The following MAGEL2 variants were observed in gnomAD, a reference collection of about 807,000 sequenced individuals.
MAGEL2 encodes the protein MAGE-like protein 2.
For synonymous variants in MAGEL2, 792 were observed against 721.7 expected (o/e 1.10, Z -1.56); for missense variants, 1,830 against 1,699.2 (o/e 1.08, Z -1.35).
chr15:23,646,627 C>G lies in MAGEL2; in HGVS notation c.1116G>C (p.Ser372=), dbSNP rs920184994. The change falls in exon 1 of 1, where the codon TCG becomes TCC. Residue 372 remains serine (S), a synonymous_variant. Transcript: ENST00000650528. This position sits in a 1 kb window ranked among gnomAD's most constrained non-coding sequence, Gnocchi z 4.2. ...LATPPGWQAT[S]PGWQATQQGW... ...CTTGCTGCGTGGCCTGCCATCCTGG[C>G]GAGGTCGCCTGCCAGCCCGGGGGTG... 2.0e-6 allele frequency: 3 copies of G among 1,476,698 alleles called. No individual in the cohort carries two copies. The African/African-American group carries it at 4.2e-5, about 21-fold the overall frequency. The allele number at this position is 1,476,698 out of a possible 1,614,324, so 91.5% of individuals were successfully genotyped here. A position where few individuals can be genotyped will look rare whatever the true frequency, so the allele number is the denominator to read the frequency against.
chr15:23,646,723 G>C lies in MAGEL2; in HGVS notation c.1020C>G (p.Ile340Met). The change falls in exon 1 of 1, where the codon ATC becomes ATG. Residue 340 changes from isoleucine (I) to methionine (M), a missense_variant. Physicochemically the swap from Ile to Met is conservative, Grantham distance 10 (BLOSUM62 1). Coordinates refer to ENST00000650528, the MANE Select transcript of MAGEL2 (RefSeq NM_019066.5). The surrounding 1 kb of genome is among the most constrained non-coding windows in gnomAD (Gnocchi z 4.2). Reference sequence around the variant, plus strand: ...GAGGAGCCCTTATAACTTGAGACTGGATTTGCAGGATCAGAGGCTGAGCCT... The same window carrying C: ...GAGGAGCCCTTATAACTTGAGACTGCATTTGCAGGATCAGAGGCTGAGCCT... Reference protein sequence around the residue: ...APQAQPLILQIQSQVIRAPPQ... With the variant: ...APQAQPLILQMQSQVIRAPPQ... The C allele has an allele frequency of 6.5e-7, 1 of 1,533,034 alleles. No individual in the cohort carries two copies. The highest frequency in any genetic ancestry group is 8.7e-7 in the Non-Finnish European group (1 of 1,145,050). The allele number at this position is 1,533,034 out of a possible 1,614,324, so 95.0% of individuals were successfully genotyped here.
Position 23,647,498 on chromosome 15 carries a change from G to T in MAGEL2, c.245C>A (p.Pro82His). 6.5e-7 allele frequency: 1 copy of T among 1,531,540 alleles called. No individual in the cohort carries two copies. The highest frequency in any genetic ancestry group is 2.4e-5 in the East Asian group (1 of 40,840). 94.9% of individuals were successfully genotyped at this position (1,531,540 alleles called of 1,614,324 possible). A position where few individuals can be genotyped will look rare whatever the true frequency, so the allele number is the denominator to read the frequency against. Reference sequence around the variant, plus strand: ...GACTATCGGGCCCCCTAGGGCAGGAGGCTGGGTCATCGGAACCACCGGGGC... The same window carrying T: ...GACTATCGGGCCCCCTAGGGCAGGATGCTGGGTCATCGGAACCACCGGGGC... ...LPAPVVPMTQ[P>H]PALGGPIVPA... The change falls in exon 1 of 1, where the codon CCT (proline) becomes CAT (histidine). Residue 82 changes from proline to histidine, a missense_variant. Physicochemically the swap from Pro to His is moderately conservative, Grantham distance 77. Coordinates refer to ENST00000650528, the MANE Select transcript of MAGEL2 (RefSeq NM_019066.5).
At position 23,644,865 on chromosome 15, in the gene MAGEL2, C is replaced by A. The variant is rs1253511015; in HGVS notation, c.2878G>T (p.Gly960Trp). 6.2e-7 allele frequency: 1 copy of A among 1,612,238 alleles called. No individual in the cohort carries two copies. Among genetic ancestry groups the A allele is most frequent in the Non-Finnish European group, 8.5e-7 (1 of 1,179,738 alleles). Residue 960 changes from glycine to tryptophan, a missense_variant, in exon 1 of 1, where the codon GGG becomes TGG. By Grantham distance (184) the Gly-to-Trp change is radical. Coordinates refer to ENST00000650528, the MANE Select transcript of MAGEL2 (RefSeq NM_019066.5). Reference protein sequence around the residue: ...STSRILSGWEGPSASWALSAW... With the variant: ...STSRILSGWEWPSASWALSAW... Reference sequence around the variant, plus strand: ...CTCAGGGCCCAGGATGCGCTGGGCCCTTCCCAGCCACTCAGGATCCTGGAG... The same window carrying A: ...CTCAGGGCCCAGGATGCGCTGGGCCATTCCCAGCCACTCAGGATCCTGGAG...
At position 23,645,495 on chromosome 15, in the gene MAGEL2, T is replaced by A; in HGVS notation, c.2248A>T (p.Met750Leu). The stretch of plus-strand genomic sequence containing the variant: ...GCACAGAAGGTGGCAGCAAAGATCA[T>A]GCGGTCTTTTGAAGGGGCCCTGCGC... ...KERRAPSKDR[M>L]IFAATFCAPK... The change falls in exon 1 of 1, where the codon ATG becomes TTG. Residue 750 changes from methionine (M) to leucine (L), a missense_variant. Transcript: ENST00000650528. 6.2e-7 allele frequency: 1 copy of A among 1,613,996 alleles called. No homozygotes were observed.
chr15:23,645,603 A>G lies in MAGEL2; in HGVS notation c.2140T>C (p.Leu714=), dbSNP rs943576001. 2 of 1,602,040 alleles carry G rather than the reference A, an allele frequency of 1.2e-6. No individual in the cohort carries two copies. Among genetic ancestry groups the G allele is most frequent in the Admixed American group, 1.7e-5 (1 of 58,224 alleles). ...ANFPLGSAKS[L]MTPSGECRAS... ...CTGCATTCTCCTGATGGAGTCATCA[A>G]TGATTTAGCGGAGCCCAGGGGAAAA... The change falls in exon 1 of 1, where the codon TTG becomes CTG. Residue 714 remains leucine (L), a synonymous_variant. Transcript: ENST00000650528.
rs1170449979 is a variant in MAGEL2 at position 23,644,313 on chromosome 15, G to A, written c.3430C>T (p.Arg1144Trp). 4.3e-6 allele frequency: 7 copies of A among 1,613,486 alleles called. No individual in the cohort carries two copies. Among genetic ancestry groups the A allele is most frequent in the Middle Eastern group, 1.6e-4 (1 of 6,084 alleles). Reference protein sequence around the residue: ...NFLFKLGLDVRETNGLFGNTK... With the variant: ...NFLFKLGLDVWETNGLFGNTK... ...TTTCCAAAGAGACCGTTTGTCTCCC[G>A]GACATCCAACCCTAACTTGAACAGA... Residue 1144 changes from arginine (R) to tryptophan (W), a missense_variant, in exon 1 of 1, where the codon CGG becomes TGG. Physicochemically the swap from Arg to Trp is moderately radical, Grantham distance 101 (BLOSUM62 -3). Transcript: ENST00000650528.
chr15:23,645,748 G>C lies in MAGEL2; in HGVS notation c.1995C>G (p.Pro665=), dbSNP rs567654551. Residue 665 remains proline (P), a synonymous_variant, in exon 1 of 1, where the codon CCC becomes CCG. Transcript: ENST00000650528. ...GCGGACCCGATGCCTGGGCCTGCTG[G>C]GGGGGTAGCTGGATTTGCACGGCTT... ...SQKAVQIQLP[P]QQAQASGPQA... 35 of 1,574,554 alleles carry C rather than the reference G, an allele frequency of 2.2e-5. No individual in the cohort carries two copies. In the South Asian group the frequency reaches 3.9e-4, roughly 18 times the overall value.
rs757223336 is a variant in MAGEL2 at position 23,645,066 on chromosome 15, C to T, written c.2677G>A (p.Glu893Lys). 6 of 1,613,934 alleles carry T rather than the reference C, an allele frequency of 3.7e-6. No individual in the cohort carries two copies. In the South Asian group the frequency reaches 6.6e-5, roughly 18 times the overall value. Residue 893 changes from glutamate (E) to lysine (K), a missense_variant, in exon 1 of 1, where the codon GAA becomes AAA. Coordinates refer to ENST00000650528, the MANE Select transcript of MAGEL2 (RefSeq NM_019066.5). ...GKATRKKKHLEAQEDSRGHTL... is the reference protein window; with the variant it reads ...GKATRKKKHLKAQEDSRGHTL... ...TGGCCACGGCTGTCCTCTTGGGCTT[C>T]CAGATGCTTCTTCTTCCGGGTGGCC...
At position 23,645,958 on chromosome 15, in the gene MAGEL2, CG is replaced by C; in HGVS notation, c.1784del (p.Pro595ArgfsTer107). The part of the protein sequence containing the change: ...IIWQAPKGQP[P>X]VPHEIPTSME... Reference sequence around the variant, plus strand: ...TTGACGTTGGAATCTCGTGTGGCACCGGGGGCTGACCTTTGGGGGCCTGCCA... The same window carrying C: ...TTGACGTTGGAATCTCGTGTGGCACCGGGGCTGACCTTTGGGGGCCTGCCA... On this transcript the variant is annotated frameshift_variant, in exon 1 of 1. Transcript: ENST00000650528. LOFTEE classifies it low-confidence loss of function (END_TRUNC). 6.4e-7 allele frequency: 1 copy of C among 1,565,008 alleles called. No homozygotes were observed.
Position 23,647,018 on chromosome 15 carries a change from G to A in MAGEL2, c.725C>T (p.Pro242Leu). The part of the protein sequence containing the change: ...PPAPGVLMAQ[P>L]LTPGVLMVQP... ...GACCATCAGGACTCCCGGAGTCAGA[G>A]GCTGGGCCATCAGGACTCCCGGAGC... The change falls in exon 1 of 1, where the codon CCT becomes CTT. Residue 242 changes from proline (P) to leucine (L), a missense_variant. Transcript: ENST00000650528. 6.5e-7 allele frequency: 1 copy of A among 1,537,016 alleles called. No homozygotes were observed. The highest frequency in any genetic ancestry group is 8.7e-7 in the Non-Finnish European group (1 of 1,146,872).
In MAGEL2 at chr15:23,645,635, G is replaced by A. The variant is rs764650142; in HGVS notation, c.2108C>T (p.Ala703Val). The A allele has an allele frequency of 7.6e-6, 12 of 1,587,576 alleles. No homozygotes were observed. Among genetic ancestry groups the A allele is most frequent in the Admixed American group, 1.8e-5 (1 of 56,470 alleles). The change falls in exon 1 of 1, where the codon GCG becomes GTG. Residue 703 changes from alanine (A) to valine (V), a missense_variant. By Grantham distance (64) the Ala-to-Val change is moderately conservative (BLOSUM62 0). Coordinates refer to ENST00000650528, the MANE Select transcript of MAGEL2 (RefSeq NM_019066.5). ...LQAQPGPPVA[A>V]ANFPLGSAKS... is the part of the protein sequence containing the mutation. ...AGCGGAGCCCAGGGGAAAATTTGCC[G>A]CTGCTACCGGGGGTCCGGGCTGGGC...
Position 23,644,416 on chromosome 15 carries a change from C to T in MAGEL2, c.3327G>A (p.Lys1109=). The change falls in exon 1 of 1, where the codon AAG becomes AAA. Residue 1109 remains lysine (K), a synonymous_variant. Transcript: ENST00000650528. ...TCAAGACCACCATCAGAAGGCCAAA[C>T]TTGGGCCTGTCTAAATAGGATGCCA... ...NLVASYLDRP[K]FGLLMVVLSL... The T allele has an allele frequency of 1.2e-6, 2 of 1,613,950 alleles. No homozygotes were observed. Among genetic ancestry groups the T allele is most frequent in the Non-Finnish European group, 1.7e-6 (2 of 1,179,882 alleles).
At position 23,646,012 on chromosome 15, in the gene MAGEL2, C is replaced by CGGGGCAGACAGT. The variant is rs763432934; in HGVS notation, c.1719_1730dup (p.Leu574_Pro577dup). On this transcript the variant is annotated inframe_insertion, in exon 1 of 1. Transcript: ENST00000650528. This position sits in a 1 kb window ranked among gnomAD's most constrained non-coding sequence, Gnocchi z 4.2. ...TGATGGAAGGGCAGTGCACAGCCTG[C>CGGGGCAGACAGT]GGGGCAGACAGTGGGGCAGACAGCG... 1.5e-5 allele frequency: 23 copies of CGGGGCAGACAGT among 1,549,802 alleles called. No homozygotes were observed. The highest frequency in any genetic ancestry group is 1.9e-5 in the Non-Finnish European group (22 of 1,147,070).
Position 23,645,143 on chromosome 15 carries a change from G to C in MAGEL2, c.2600C>G (p.Thr867Ser). The change falls in exon 1 of 1, where the codon ACC becomes AGC. Residue 867 changes from threonine to serine, a missense_variant. Coordinates refer to ENST00000650528, the MANE Select transcript of MAGEL2 (RefSeq NM_019066.5). ...GGAGGTCTTGGAGGCCTCTTGAGTG[G>C]TGGCAGTTGCCTGGGGGGCAGCTGC... ...ATAAAPQATA[T>S]TQEASKTSVE... 6.2e-7 allele frequency: 1 copy of C among 1,613,752 alleles called. No homozygotes were observed. Among genetic ancestry groups the C allele is most frequent in the Non-Finnish European group, 8.5e-7 (1 of 1,179,900 alleles).
rs1484915805 is a variant in MAGEL2, at chr15:23,646,096, C to T, written c.1647G>A (p.Thr549=). ...CAGCGGGCGGCGCCGCGGGTACCTGCGTAGCAGGTGGGGCCGTAGGCACCT... is the reference window on the plus strand; with the variant it reads ...CAGCGGGCGGCGCCGCGGGTACCTGTGTAGCAGGTGGGGCCGTAGGCACCT... ...APQVPTAPPA[T]QVPAAPPAGP... Residue 549 remains threonine (T), a synonymous_variant, in exon 1 of 1, where the codon ACG becomes ACA. Transcript: ENST00000650528. The surrounding 1 kb of genome is among the most constrained non-coding windows in gnomAD (Gnocchi z 4.2). The T allele has an allele frequency of 2.1e-6, 3 of 1,433,216 alleles. No individual in the cohort carries two copies. The highest frequency in any genetic ancestry group is 1.5e-5 in the African/African-American group (1 of 67,218). The allele number at this position is 1,433,216 out of a possible 1,614,324, so 88.8% of individuals were successfully genotyped here.
At position 23,647,192 on chromosome 15, in the gene MAGEL2, G is replaced by T. The variant is rs1284195513; in HGVS notation, c.551C>A (p.Pro184His). ...PPGTPMVHPP[P>H]PGTPMAHPPP... ...AGGATGAGCCATCGGGGTCCCCGGA[G>T]GAGGAGGATGCACCATCGGGGTCCC... Residue 184 changes from proline to histidine, a missense_variant, in exon 1 of 1, where the codon CCT (proline) becomes CAT (histidine). Physicochemically the swap from Pro to His is moderately conservative, Grantham distance 77 (BLOSUM62 -2). Coordinates refer to ENST00000650528, the MANE Select transcript of MAGEL2 (RefSeq NM_019066.5). 1 of 1,522,640 alleles carries T rather than the reference G, an allele frequency of 6.6e-7. No individual in the cohort carries two copies. Among genetic ancestry groups the T allele is most frequent in the African/African-American group, 1.4e-5 (1 of 72,872 alleles). The allele number at this position is 1,522,640 out of a possible 1,614,324, so 94.3% of individuals were successfully genotyped here.
Position 23,647,267 on chromosome 15 carries a change from ATTGGGG to A in MAGEL2, c.470_475del (p.Thr157_Pro158del). 1 of 1,530,810 alleles carries A rather than the reference ATTGGGG, an allele frequency of 6.5e-7. No homozygotes were observed. The highest frequency in any genetic ancestry group is 8.8e-7 in the Non-Finnish European group (1 of 1,142,600). 94.8% of individuals were successfully genotyped at this position (1,530,810 alleles called of 1,614,324 possible). On this transcript the variant is annotated inframe_deletion, in exon 1 of 1. Coordinates refer to ENST00000650528, the MANE Select transcript of MAGEL2 (RefSeq NM_019066.5). ...GGTCCCCGGAGGAGGAGGATGGGCC[ATTGGGG>A]TCCCCGGAGGGGGAGGGTGGGACAT...
In MAGEL2 at chr15:23,646,640, C is replaced by T. The variant is rs1890412733; in HGVS notation, c.1103G>A (p.Trp368Ter). ...PPAQLATPPG[W>*]QATSPGWQAT... The stretch of plus-strand genomic sequence containing the variant: ...CTGCCATCCTGGCGAGGTCGCCTGC[C>T]AGCCCGGGGGTGTGGCTAGCTGCGC... Residue 368 changes from tryptophan to a stop codon, truncating the protein, a stop_gained, in exon 1 of 1, where the codon TGG (tryptophan) becomes TAG (stop). Transcript: ENST00000650528. LOFTEE classifies it low-confidence loss of function (END_TRUNC). This position sits in a 1 kb window ranked among gnomAD's most constrained non-coding sequence, Gnocchi z 4.2. 1 of 1,479,810 alleles carries T rather than the reference C, an allele frequency of 6.8e-7. No homozygotes were observed. The highest frequency in any genetic ancestry group is 1.4e-5 in the African/African-American group (1 of 71,584). 91.7% of individuals were successfully genotyped at this position (1,479,810 alleles called of 1,614,324 possible). A position where few individuals can be genotyped will look rare whatever the true frequency, so the allele number is the denominator to read the frequency against.
In MAGEL2 at chr15:23,645,832, C is replaced by A; in HGVS notation, c.1911G>T (p.Arg637Ser). The change falls in exon 1 of 1, where the codon AGG becomes AGT. Residue 637 changes from arginine (R) to serine (S), a missense_variant. Transcript: ENST00000650528. ...CCAGCTGGACCAAGGGGGGAGCCTG[C>A]CTCTGGGCCTCCTGGGCAGGCAGGG... ...WQPLPAQEAQRQAPPLVQLEQ... is the reference protein window; with the variant it reads ...WQPLPAQEAQSQAPPLVQLEQ... 8 of 1,584,266 alleles carry A rather than the reference C, an allele frequency of 5.0e-6. No individual in the cohort carries two copies. The highest frequency in any genetic ancestry group is 6.9e-6 in the Non-Finnish European group (8 of 1,166,216).
Sources: gnomAD v4.1 joint callset for allele counts on GRCh38, gnomAD v4.1.1 for gene constraint, Gnocchi (gnomAD v3.1) non-coding constraint, MANE v1.5 for transcripts, NCBI Gene and HGNC (gene_info 2026-07-23, HGNC 2026-07-21) for gene names.